WDR17: variants seen among roughly 807,000 people sequenced by gnomAD.
WDR17 encodes WD repeat-containing protein 17.
In WDR17, 143 loss-of-function variants were observed where a neutral mutation model predicts 161.7. The ratio of observed to expected loss-of-function variants is 0.88; its 90% CI spans 0.77 to 1.02. WDR17 has a LOEUF of 1.02. WDR17 is among the 50% of genes least tolerant of loss of function. WDR17 has a pLI of 0.00. For missense variants in WDR17, 1,469 were observed against 1,520.9 expected, an observed-to-expected ratio of 0.97 and a Z score of 0.57; for synonymous variants, 517 against 515.6, an observed-to-expected ratio of 1.00 and a Z score of -0.04.
At chr4:176,131,508 G>A (rs1294459243) in intron 6 of WDR17, 46 bp from the exon 7 acceptor site, 1 of 1,499,192 alleles carries the variant, frequency 6.7e-7, no homozygotes, top group Non-Finnish European at 8.9e-7. Context: ...TCTAAATTAA[G>A]CTCTGTGGTT....
chr4:176,163,090 G>C, intron 21 of WDR17, 64 bp from the exon 22 acceptor site: 6 of 1,591,902 alleles, frequency 3.8e-6, no homozygotes, highest in Non-Finnish European at 5.2e-6. Flanking sequence ...TATGAGCTTG[G>C]AGGGGAATGA....
intron 1 of WDR17, among the ~76,000 whole-genome samples, chr4:176,103,739 A>C (rs1738208890): frequency 6.6e-6 from 1 of 152,100 alleles, no homozygotes; most frequent in Non-Finnish European, 1.5e-5. Context: ...AAAGAAATTG[A>C]AGAGAAGTAA....
In WDR17 at chr4:176,156,143, G is replaced by A. The variant is rs1748093648; in HGVS notation, c.2525G>A (p.Arg842Lys). ...SVKYWKKLMQ[R>K]RADQLIQEDK... ...AAATACTGGAAGAAGTTAATGCAGA[G>A]GTAAGGCAGAGAGAGTCCGTGTTAA... Residue 842 changes from arginine (R) to lysine (K), a missense_variant and splice_region_variant, in exon 18 of 29, where the codon AGG becomes AAG. Transcript: ENST00000508596. 5.6e-6 allele frequency: 9 copies of A among 1,612,978 alleles called. No individual in the cohort carries two copies. Among genetic ancestry groups the A allele is most frequent in the Non-Finnish European group, 7.6e-6 (9 of 1,179,492 alleles).
chr4:176,074,264 G>A (rs1267944386), intron 1 of WDR17, among the ~76,000 whole-genome samples: 1 of 151,852 alleles, frequency 6.6e-6, no homozygotes, highest in Non-Finnish European at 1.5e-5. Context: ...AATCCATCCT[G>A]TGCCATCTTT....
At chr4:176,142,910 A>G (rs2128425) in intron 11 of WDR17, among the ~76,000 whole-genome samples, 103,761 of 151,992 alleles carry the variant, frequency 0.68, 35,853 homozygotes, top group African/African-American at 0.76. Flanking sequence ...ACGGAGTTTC[A>G]CTCTTGCTGC....
At chr4:176,171,568 AAATG>A (rs1750740787) in intron 23 of WDR17, among the ~76,000 whole-genome samples, 1 of 152,222 alleles carries the variant, frequency 6.6e-6, no homozygotes, top group African/African-American at 2.4e-5. Flanking sequence ...TGAAATGATT[AAATG>A]AATGTATTAA....
intron 26 of WDR17, among the ~76,000 whole-genome samples, chr4:176,175,903 G>A (rs750666726): frequency 1.3e-5 from 2 of 152,150 alleles, no homozygotes; most frequent in African/African-American, 2.4e-5. Context: ...AGGATTCTAA[G>A]AGAAACAGGT....
At chr4:176,080,085 T>C (rs1020970349) in intron 1 of WDR17, among the ~76,000 whole-genome samples, 1 of 151,970 alleles carries the variant, frequency 6.6e-6, no homozygotes, top group Non-Finnish European at 1.5e-5. Context: ...ATGTAGGGGA[T>C]GCAGTCAAAC....
chr4:176,179,016 T>A (rs1751858167), intron 28 of WDR17, among the ~76,000 whole-genome samples: 1 of 152,192 alleles, frequency 6.6e-6, no homozygotes. Context: ...ATTCATCATC[T>A]TCTGGAGAGC....
intron 23 of WDR17, among the ~76,000 whole-genome samples, chr4:176,169,051 G>A (rs1263342790): frequency 6.6e-6 from 1 of 152,132 alleles, no homozygotes; most frequent in Non-Finnish European, 1.5e-5. Flanking sequence ...AGAAAACTCA[G>A]AGAAGGTAAG....
At chr4:176,108,486 T>C (rs897068986) in intron 1 of WDR17, among the ~76,000 whole-genome samples, 2 of 152,106 alleles carry the variant, frequency 1.3e-5, no homozygotes, top group Non-Finnish European at 2.9e-5. Flanking sequence ...GCCCATACTG[T>C]AATGGTGGAT....
At chr4:176,103,556 G>T (rs755342632) in intron 1 of WDR17, among the ~76,000 whole-genome samples, 9 of 151,684 alleles carry the variant, frequency 5.9e-5, no homozygotes, top group Non-Finnish European at 1.2e-4. Flanking sequence ...AGAAAGTCAA[G>T]AAAACAATGT....
At chr4:176,143,510 A>G (rs9759358) in intron 11 of WDR17, among the ~76,000 whole-genome samples, 117 of 151,668 alleles carry the variant, frequency 7.7e-4, no homozygotes, top group African/African-American at 2.6e-3. Flanking sequence ...AAAAAAAAAA[A>G]AAAAATGAAA....
intron 1 of WDR17, among the ~76,000 whole-genome samples, chr4:176,078,821 A>T (rs191095802): frequency 1.8e-3 from 276 of 152,218 alleles, no homozygotes; most frequent in Non-Finnish European, 3.4e-3. Flanking sequence ...AATATAGAGT[A>T]ATCAAATCAG....
intron 17 of WDR17, among the ~76,000 whole-genome samples, chr4:176,154,984 C>G (rs928508538): frequency 6.6e-6 from 1 of 151,810 alleles, no homozygotes; most frequent in African/African-American, 2.4e-5. Context: ...AATATGAAGA[C>G]AAGTATTATA....
chr4:176,113,484 T>C (rs182367633), intron 2 of WDR17, among the ~76,000 whole-genome samples: 4 of 152,170 alleles, frequency 2.6e-5, no homozygotes, highest in Admixed American at 2.0e-4. Context: ...CTAAAAATTA[T>C]CCTAATTTAG....
rs1402288141 is a variant in WDR17, at chr4:176,143,511, A to AAG, written c.1529+1443_1529+1444insGA. ...AGACTTCGTCTCTTAAAAAAAAAAAAAAAATGAAAAATGAAAAAATTAGTC... is the reference window on the plus strand; with the variant it reads ...AGACTTCGTCTCTTAAAAAAAAAAAAAGAAAATGAAAAATGAAAAAATTAGTC... On this transcript the variant is annotated intron_variant, in intron 11 of 28. Transcript: ENST00000508596. 6.6e-5 allele frequency among the ~76,000 whole-genome samples: 10 copies of AAG among 151,670 alleles called. 1 individual carries two copies. In the East Asian group the frequency reaches 1.9e-3, roughly 29 times the overall value.
chr4:176,140,392 A>G (rs1745067017), intron 10 of WDR17, among the ~76,000 whole-genome samples: 1 of 151,808 alleles, frequency 6.6e-6, no homozygotes, highest in African/African-American at 2.4e-5. Flanking sequence ...GCTTTTATTT[A>G]TAAAGGGATA....
At chr4:176,161,713 A>AC (rs1208153909) in intron 20 of WDR17, among the ~76,000 whole-genome samples, 2 of 152,222 alleles carry the variant, frequency 1.3e-5, no homozygotes, top group African/African-American at 2.4e-5. Context: ...TAAAAAGCTA[A>AC]CACATGCTAG....
Sources: gnomAD v4.1 joint callset for allele counts (sites outside exome capture counted in the v4.1 genomes callset) on GRCh38, gnomAD v4.1.1 for gene constraint, MANE v1.5 for transcripts, NCBI Gene and HGNC (gene_info 2026-07-23, HGNC 2026-07-21) for gene names.